CLUH: variants seen among roughly 807,000 people sequenced by gnomAD.
CLUH encodes the protein clustered mitochondria protein homolog.
Under a neutral mutation model 139.3 loss-of-function variants are expected in CLUH, and 77 were observed. The observed-to-expected ratio is 0.55, with a 90% CI of 0.46 to 0.67. CLUH has a LOEUF of 0.67. CLUH is among the 30% of genes least tolerant of loss of function. CLUH has a pLI of 0.00. For synonymous variants in CLUH, 999 were observed against 801.6 expected (o/e 1.25, Z -4.16); for missense variants, 1,876 against 1,875.8 (o/e 1.00, Z 0.00).
rs755538744 is a variant in CLUH, at chr17:2,701,982, T to C, written c.551A>G (p.Asp184Gly). Residue 184 changes from aspartate (D) to glycine (G), a missense_variant, in exon 4 of 26, where the codon GAT (aspartate) becomes GGT (glycine). Transcript: ENST00000651024. ...RDLLKSLDPS[D>G]AFNGVDCNSL... The stretch of plus-strand genomic sequence containing the variant: ...GTTGCAGTCAACCCCGTTGAAGGCA[T>C]CGGATGGGTCCAGGCTCTTGAGCAG... 1.2e-6 allele frequency: 2 copies of C among 1,613,944 alleles called. No individual in the cohort carries two copies. Among genetic ancestry groups the C allele is most frequent in the Admixed American group, 3.3e-5 (2 of 60,006 alleles).
At chr17:2,694,605 C>G (rs138049225) in intron 16 of CLUH, 41 bp from the exon 17 acceptor site, 2 of 1,518,782 alleles carry the variant, frequency 1.3e-6, no homozygotes, top group East Asian at 2.4e-5. Context: ...CAAGCACCGC[C>G]GGGCCCCCCC....
At chr17:2,700,135 C>T (rs1347016569) in intron 9 of CLUH, among the ~76,000 whole-genome samples, 1 of 152,248 alleles carries the variant, frequency 6.6e-6, no homozygotes, top group Non-Finnish European at 1.5e-5. Flanking sequence ...ACACTCAGTC[C>T]CTATGGGAAG....
intron 13 of CLUH, chr17:2,695,914 A>G (rs1322346687): frequency 3.4e-6 from 2 of 586,320 alleles, no homozygotes; most frequent in Non-Finnish European, 6.0e-6. Context: ...TCCCCCAGCC[A>G]TGCCACCATC....
chr17:2,711,032 C>G (rs1393692966), intron 1 of CLUH: 2 of 152,488 alleles, frequency 1.3e-5, no homozygotes, highest in Non-Finnish European at 2.9e-5. Context: ...AGGGACGCCC[C>G]TCACAACGCA....
rs2070361801 is a variant in CLUH, at chr17:2,706,730, C to T, written c.101-2166G>A. 2.0e-5 allele frequency among the ~76,000 whole-genome samples: 3 copies of T among 152,124 alleles called. No homozygotes were observed. In the South Asian group the frequency reaches 6.2e-4, roughly 31 times the overall value. ...CAGGGCAGCCAGGTGGAGGAACTGC[C>T]CCCACAGGGTCCCTGAGAAAGGCTG... On this transcript the variant is annotated intron_variant, in intron 1 of 25. Transcript: ENST00000651024. This position sits in a 1 kb window ranked among gnomAD's most constrained non-coding sequence, Gnocchi z 4.6.
chr17:2,702,189 T>A, intron 3 of CLUH, 132 bp from the exon 4 acceptor site: 4 of 1,105,784 alleles, frequency 3.6e-6, no homozygotes, highest in Non-Finnish European at 5.1e-6. Flanking sequence ...CGTTTTCAAA[T>A]TCCACTGTGA....
intron 12 of CLUH, 22 bp downstream of exon 12, chr17:2,696,412 C>G: frequency 6.4e-7 from 1 of 1,562,146 alleles, no homozygotes; most frequent in African/African-American, 1.4e-5. Context: ...GGCTCCTGCG[C>G]TGGCCGGCCC....
rs2069576409 is a variant in CLUH at position 2,690,458 on chromosome 17, A to G, written c.*136T>C. On this transcript the variant is annotated 3_prime_UTR_variant, in exon 26 of 26. Transcript: ENST00000651024. ...GCAGGCAGGCCAGGCTCCCAGGAGG[A>G]CACGGGGGTGGGGTGGGGTGAGACG... 1.4e-6 allele frequency: 1 copy of G among 735,422 alleles called. No homozygotes were observed. Among genetic ancestry groups the G allele is most frequent in the Admixed American group, 4.2e-5 (1 of 23,764 alleles). The allele number at this position is 735,422 out of a possible 1,614,324, so 45.6% of individuals were successfully genotyped here. A position where few individuals can be genotyped will look rare whatever the true frequency, so the allele number is the denominator to read the frequency against.
rs948297075 is a variant in CLUH at position 2,706,442 on chromosome 17, C to T, written c.101-1878G>A. Reference sequence around the variant, plus strand: ...CCCTCCTGCAGCCCGCACCCTACGCCGCGGCACTCCCTCAACTCTGGCCAC... The same window carrying T: ...CCCTCCTGCAGCCCGCACCCTACGCTGCGGCACTCCCTCAACTCTGGCCAC... On this transcript the variant is annotated intron_variant, in intron 1 of 25. Coordinates refer to ENST00000651024, the MANE Select transcript of CLUH (RefSeq NM_001366661.1). This position sits in a 1 kb window ranked among gnomAD's most constrained non-coding sequence, Gnocchi z 4.6. Among the ~76,000 whole-genome samples the T allele has an allele frequency of 1.3e-5, 2 of 152,116 alleles. No homozygotes were observed.
chr17:2,701,789 C>T, intron 4 of CLUH, 52 bp from the exon 5 acceptor site: 1 of 1,556,454 alleles, frequency 6.4e-7, no homozygotes, highest in Non-Finnish European at 8.7e-7. Context: ...GGCCAGCTGT[C>T]TCCCTACCTC....
chr17:2,697,545 C>G (rs2070001246), intron 10 of CLUH, among the ~76,000 whole-genome samples: 1 of 151,908 alleles, frequency 6.6e-6, no homozygotes, highest in African/African-American at 2.4e-5. Context: ...TGGCCATTTC[C>G]CCATTTCCTA....
Position 2,701,601 on chromosome 17 carries a change from C to G in CLUH, c.744+12G>C. The G allele has an allele frequency of 6.2e-7, 1 of 1,610,348 alleles. No individual in the cohort carries two copies. The highest frequency in any genetic ancestry group is 1.1e-5 in the South Asian group (1 of 90,324). On this transcript the variant is annotated intron_variant, in intron 5 of 25. Transcript: ENST00000651024. ...GCCAGGGACCCTCTTCCTCCCTCCCCCAGGATCCTACCTTCCAGTCACGGT... is the reference window on the plus strand; with the variant it reads ...GCCAGGGACCCTCTTCCTCCCTCCCGCAGGATCCTACCTTCCAGTCACGGT...
At position 2,694,901 on chromosome 17, in the gene CLUH, G is replaced by A. The variant is rs762934066; in HGVS notation, c.2808C>T (p.Asn936=). 14 of 1,578,840 alleles carry A rather than the reference G, an allele frequency of 8.9e-6. No individual in the cohort carries two copies. In the African/African-American group the frequency reaches 1.5e-4, roughly 17 times the overall value. ...AVMTPQELWK[N]ICQEAKNYFD... ...AGTAGTTCTTGGCCTCCTGGCAGATGTTCTTCCAGAGCTCCTGGGGGGTCA... is the reference window on the plus strand; with the variant it reads ...AGTAGTTCTTGGCCTCCTGGCAGATATTCTTCCAGAGCTCCTGGGGGGTCA... The change falls in exon 16 of 26, where the codon AAC becomes AAT. Residue 936 remains asparagine, a synonymous_variant. Transcript: ENST00000651024.
At chr17:2,711,421 G>C (rs1398402755) in intron 1 of CLUH, 141 bp downstream of exon 1, 1 of 173,266 alleles carries the variant, frequency 5.8e-6, no homozygotes, top group Non-Finnish European at 1.1e-5. Context: ...CTTCAGCGCG[G>C]GGGCGACCCG....
chr17:2,696,264 A>G lies in CLUH; in HGVS notation c.2291-5T>C. 1 of 1,567,384 alleles carries G rather than the reference A, an allele frequency of 6.4e-7. No homozygotes were observed. ...AGGACTCAGGGAAACGAACCCCTGGAGGAGGGAGAGCAGAGAGGCTGAGCC... is the reference window on the plus strand; with the variant it reads ...AGGACTCAGGGAAACGAACCCCTGGGGGAGGGAGAGCAGAGAGGCTGAGCC... On this transcript the variant is annotated splice_region_variant and splice_polypyrimidine_tract_variant and intron_variant, in intron 12 of 25. Coordinates refer to ENST00000651024, the MANE Select transcript of CLUH (RefSeq NM_001366661.1).
At chr17:2,708,869 G>GA (rs1355922739) in intron 1 of CLUH, among the ~76,000 whole-genome samples, 5 of 98,700 alleles carry the variant, frequency 5.1e-5, no homozygotes, top group East Asian at 4.2e-4. Flanking sequence ...TCGGGGGGGG[G>GA]GGAGCAGAAC....
intron 1 of CLUH, among the ~76,000 whole-genome samples, chr17:2,708,229 G>A (rs1567600353): frequency 6.6e-6 from 1 of 152,194 alleles, no homozygotes. Context: ...GGATCAGGCA[G>A]ACCCTGGGCT....
chr17:2,694,722 G>T (rs2069862463), intron 16 of CLUH, 135 bp downstream of exon 16: 2 of 1,367,848 alleles, frequency 1.5e-6, no homozygotes, highest in Non-Finnish European at 2.0e-6. Flanking sequence ...AGCACCCAGT[G>T]ATCTCCACAG....
chr17:2,711,441 C>T (rs893897629), intron 1 of CLUH, 121 bp downstream of exon 1: 3 of 200,820 alleles, frequency 1.5e-5, no homozygotes, highest in African/African-American at 2.4e-5. Flanking sequence ...GGTGAAGGCC[C>T]CAGCGAGATA....
Sources: allele counts gnomAD v4.1 joint callset (sites outside exome capture counted in the v4.1 genomes callset), GRCh38; gene constraint gnomAD v4.1.1; non-coding constraint Gnocchi (gnomAD v3.1); transcripts MANE v1.5; gene names NCBI Gene and HGNC (gene_info 2026-07-23, HGNC 2026-07-21).